Variants in CLEC12A observed in about 807,000 individuals in gnomAD.
The protein encoded by CLEC12A is C-type lectin protein CLL-1.
Under a neutral mutation model 26.5 loss-of-function variants are expected in CLEC12A, and 22 were observed. That is an observed-to-expected ratio of 0.83 (90% CI 0.59 to 1.19). The LOEUF (loss-of-function observed/expected upper bound fraction) is 1.19, where lower values mean the gene tolerates loss of function less well. Among genes scored for constraint, CLEC12A ranks in the 50% most tolerant of loss-of-function variants. The pLI is 0.00. For synonymous variants in CLEC12A, 119 were observed against 101.9 expected (o/e 1.17, Z -1.01); for missense variants, 353 against 315.6 (o/e 1.12, Z -0.90).
chr12:9,981,244 G>A (rs1864544303), intron 4 of CLEC12A, among the ~76,000 whole-genome samples: 1 of 152,174 alleles, frequency 6.6e-6, no homozygotes, highest in East Asian at 1.9e-4. Context: ...ATATTGTACT[G>A]AGTCCTTGAA....
At chr12:9,979,566 C>T in intron 3 of CLEC12A, 42 bp downstream of exon 3, 1 of 1,412,976 alleles carries the variant, frequency 7.1e-7, no homozygotes, top group South Asian at 1.2e-5. Flanking sequence ...GGACAATAAA[C>T]TAAACCACTG....
At chr12:9,984,459 C>G (rs924574835) in intron 5 of CLEC12A, among the ~76,000 whole-genome samples, 1 of 151,932 alleles carries the variant, frequency 6.6e-6, no homozygotes, top group African/African-American at 2.4e-5. Context: ...TGTCATATAT[C>G]TCAGGTGAAT....
Position 9,978,939 on chromosome 12 carries a change from C to T in CLEC12A, c.92-27C>T, listed in dbSNP as rs554029176. On this transcript the variant is annotated intron_variant, in intron 1 of 5. Transcript: ENST00000304361. Reference sequence around the variant, plus strand: ...AAATGAAAGTTATACCATTTTTAGGCCTCTCTGTTAATTTTGCTTTCCACA... The same window carrying T: ...AAATGAAAGTTATACCATTTTTAGGTCTCTCTGTTAATTTTGCTTTCCACA... 1.3e-5 allele frequency: 19 copies of T among 1,508,780 alleles called. No individual in the cohort carries two copies. In the Admixed American group the frequency reaches 1.5e-4, roughly 12 times the overall value. 93.5% of individuals were successfully genotyped at this position (1,508,780 alleles called of 1,614,324 possible). A position where few individuals can be genotyped will look rare whatever the true frequency, so the allele number is the denominator to read the frequency against.
chr12:9,994,989 T>TA, intron 4 of CLEC12A: 1 of 1,538,244 alleles, frequency 6.5e-7, no homozygotes, highest in African/African-American at 1.4e-5. Context: ...AGAATTGTCT[T>TA]ATGACCAGCG....
intron 5 of CLEC12A, among the ~76,000 whole-genome samples, chr12:9,982,555 A>G (rs1007758553): frequency 1.3e-5 from 2 of 152,128 alleles, no homozygotes; most frequent in African/African-American, 4.8e-5. Context: ...ATAGTGTGAT[A>G]AATGCTTCAG....
intron 1 of CLEC12A, among the ~76,000 whole-genome samples, chr12:9,963,167 G>A (rs1440477784): frequency 1.3e-5 from 2 of 152,156 alleles, no homozygotes; most frequent in Non-Finnish European, 2.9e-5. Flanking sequence ...AAAGGACTAA[G>A]AATTGGGAGG....
chr12:9,982,659 T>C (rs943279407), intron 5 of CLEC12A, among the ~76,000 whole-genome samples: 1 of 152,126 alleles, frequency 6.6e-6, no homozygotes, highest in Non-Finnish European at 1.5e-5. Flanking sequence ...GTTTATGGAT[T>C]TAGGGGGTAC....
At chr12:10,003,936 AT>A in the CLEC12A span, among the ~76,000 whole-genome samples, 18 of 152,182 alleles carry the variant, frequency 1.2e-4, no homozygotes, top group African/African-American at 4.3e-4. Flanking sequence ...AAAATAAAAA[AT>A]AAGCAGTACC....
intron 4 of CLEC12A, chr12:9,991,799 A>G (rs1290641463): frequency 6.6e-6 from 1 of 152,160 alleles, no homozygotes; most frequent in Non-Finnish European, 1.5e-5. Flanking sequence ...TTAACTTATG[A>G]GCAAGGTAAT....
chr12:10,000,555 T>A (rs1865146610), downstream of CLEC12A, among the ~76,000 whole-genome samples: 1 of 152,232 alleles, frequency 6.6e-6, no homozygotes, highest in Admixed American at 6.5e-5. Flanking sequence ...TAAAAATTTT[T>A]AAAAAACATT....
the CLEC12A span, among the ~76,000 whole-genome samples, chr12:10,003,831 A>G: frequency 6.6e-6 from 1 of 152,128 alleles, no homozygotes. Flanking sequence ...TGGAAGGTTC[A>G]CTTGAGCCCA....
intron 5 of CLEC12A, among the ~76,000 whole-genome samples, chr12:9,983,277 G>C (rs191517419): frequency 1.4e-4 from 21 of 152,156 alleles, no homozygotes; most frequent in Middle Eastern, 3.4e-3. Context: ...ATTTTTGAAT[G>C]AAAAATTTAA....
chr12:9,990,139 T>A (rs1175008257), downstream of CLEC12A, among the ~76,000 whole-genome samples: 2 of 152,162 alleles, frequency 1.3e-5, no homozygotes, highest in Non-Finnish European at 1.5e-5. Context: ...ATGTTTTCAG[T>A]CCTGCTAACA....
chr12:9,984,060 C>T, intron 5 of CLEC12A: 1 of 297,204 alleles, frequency 3.4e-6, no homozygotes, highest in Non-Finnish European at 6.6e-6. Flanking sequence ...TTTCAGTTAT[C>T]AAAAAGAAAA....
intron 5 of CLEC12A, among the ~76,000 whole-genome samples, chr12:9,982,434 G>A (rs1345760802): frequency 6.6e-6 from 1 of 151,982 alleles, no homozygotes; most frequent in Non-Finnish European, 1.5e-5. Context: ...ACTTAATATT[G>A]TGATAAGTTC....
At chr12:9,987,329 G>C (rs1041522799), downstream of CLEC12A, among the ~76,000 whole-genome samples, 1 of 152,086 alleles carries the variant, frequency 6.6e-6, no homozygotes, top group East Asian at 1.9e-4. Context: ...ATTAGCATAG[G>C]GGTGGCTTCA....
At chr12:9,994,194 A>C (rs1215283179) in intron 4 of CLEC12A, among the ~76,000 whole-genome samples, 3 of 152,112 alleles carry the variant, frequency 2.0e-5, no homozygotes, top group Admixed American at 2.0e-4. Flanking sequence ...GAGGCAGAGC[A>C]TTCTAGAAGA....
At chr12:9,997,383 G>T, downstream of CLEC12A, 1 of 1,005,334 alleles carries the variant, frequency 9.9e-7, no homozygotes, top group Non-Finnish European at 1.4e-6. Flanking sequence ...CAATATATGA[G>T]GAGTTTACTA....
intron 1 of CLEC12A, among the ~76,000 whole-genome samples, chr12:9,954,116 G>T (rs1863700133): frequency 7.4e-6 from 1 of 135,072 alleles, no homozygotes; most frequent in Admixed American, 8.4e-5. Flanking sequence ...AGAGACCTTT[G>T]TTCACTTGTT....
Sources: gnomAD v4.1 joint callset for allele counts (sites outside exome capture counted in the v4.1 genomes callset) on GRCh38, gnomAD v4.1.1 for gene constraint, MANE v1.5 for transcripts, NCBI Gene and HGNC (gene_info 2026-07-23, HGNC 2026-07-21) for gene names.